HS6ST3: variants seen among roughly 807,000 people sequenced by gnomAD.
HS6ST3 encodes heparan sulfate 6-O-sulfotransferase 3.
A neutral mutation model predicts 36.7 loss-of-function variants in HS6ST3; 12 were observed. The observed-to-expected ratio is 0.33, with a 90% CI of 0.21 to 0.53. HS6ST3 has a LOEUF of 0.53. Among genes scored for constraint, HS6ST3 ranks in the 20% least tolerant of loss-of-function variants. The pLI is 0.95. For synonymous variants in HS6ST3, 240 were observed against 257.5 expected, an observed-to-expected ratio of 0.93 and a Z score of 0.65; for missense variants, 584 against 640.9, an observed-to-expected ratio of 0.91 and a Z score of 0.96.
At chr13:96,790,117 A>C (rs1877747725) in intron 1 of HS6ST3, among the ~76,000 whole-genome samples, 1 of 151,770 alleles carries the variant, frequency 6.6e-6, no homozygotes, top group South Asian at 2.1e-4. Context: ...ATTTTTTCTT[A>C]GATTGCATAC....
At chr13:96,705,298 A>G (rs775818752) in intron 1 of HS6ST3, among the ~76,000 whole-genome samples, 4 of 152,056 alleles carry the variant, frequency 2.6e-5, no homozygotes, top group Admixed American at 2.0e-4. Flanking sequence ...CTCCTCTCCA[A>G]TCTCTTGGGA....
chr13:96,110,604 T>G (rs916965074), intron 1 of HS6ST3, among the ~76,000 whole-genome samples: 7 of 151,928 alleles, frequency 4.6e-5, no homozygotes, highest in African/African-American at 1.7e-4. Flanking sequence ...GCCCGGCTAA[T>G]TTTTTGTATT....
chr13:96,773,864 C>G (rs780439777), intron 1 of HS6ST3, among the ~76,000 whole-genome samples: 5 of 152,138 alleles, frequency 3.3e-5, no homozygotes, highest in Admixed American at 2.0e-4. Flanking sequence ...GGTCCCTGAC[C>G]CCTGTGTCTC....
chr13:96,663,108 C>G (rs1234876039), intron 1 of HS6ST3, among the ~76,000 whole-genome samples: 2 of 152,124 alleles, frequency 1.3e-5, no homozygotes, highest in Admixed American at 6.5e-5. Flanking sequence ...AGTACAGGCA[C>G]CAGCCCTGAC....
chr13:96,233,118 ATGTT>A (rs2054516309), intron 1 of HS6ST3, among the ~76,000 whole-genome samples: 1 of 152,220 alleles, frequency 6.6e-6, no homozygotes, highest in Non-Finnish European at 1.5e-5. Flanking sequence ...TGTAAATAAT[ATGTT>A]TTTCTCTAAT....
intron 1 of HS6ST3, among the ~76,000 whole-genome samples, chr13:96,480,474 A>ATG (rs1335953144): frequency 4.6e-5 from 7 of 151,802 alleles, no homozygotes; most frequent in African/African-American, 9.7e-5. Context: ...GCGTGTGTGC[A>ATG]TGTGTGTGTG....
At chr13:96,419,177 A>G (rs2055549905) in intron 1 of HS6ST3, among the ~76,000 whole-genome samples, 1 of 152,214 alleles carries the variant, frequency 6.6e-6, no homozygotes, top group South Asian at 2.1e-4. Context: ...CAGATGTAAC[A>G]ATTTAGTGTG....
intron 1 of HS6ST3, among the ~76,000 whole-genome samples, chr13:96,636,681 A>T (rs517984): frequency 6.6e-6 from 1 of 152,028 alleles, no homozygotes; most frequent in Non-Finnish European, 1.5e-5. Context: ...CCCTATTGCT[A>T]GAAACTCAGA....
intron 1 of HS6ST3, among the ~76,000 whole-genome samples, chr13:96,097,526 G>A (rs2053797350): frequency 6.6e-6 from 1 of 152,024 alleles, no homozygotes; most frequent in South Asian, 2.1e-4. Context: ...CACTTATCTT[G>A]TTTTTGAGTT....
chr13:96,225,446 T>C (rs1302743257), intron 1 of HS6ST3, among the ~76,000 whole-genome samples: 2 of 152,250 alleles, frequency 1.3e-5, no homozygotes, highest in Admixed American at 6.5e-5. Flanking sequence ...ACATTTTTAC[T>C]GGGCATAATC....
chr13:96,617,557 T>G (rs1157311449), intron 1 of HS6ST3, among the ~76,000 whole-genome samples: 1 of 152,232 alleles, frequency 6.6e-6, no homozygotes, highest in Non-Finnish European at 1.5e-5. Flanking sequence ...TCCAAAGCTT[T>G]CATGAAGGGT....
chr13:96,289,313 C>G (rs1266115925), intron 1 of HS6ST3, among the ~76,000 whole-genome samples: 1 of 151,944 alleles, frequency 6.6e-6, no homozygotes, highest in Non-Finnish European at 1.5e-5. Context: ...AATAAAAAGC[C>G]ATTTTCTTGC....
intron 1 of HS6ST3, among the ~76,000 whole-genome samples, chr13:96,521,212 G>T (rs1164025099): frequency 6.6e-6 from 1 of 152,168 alleles, no homozygotes; most frequent in African/African-American, 2.4e-5. Flanking sequence ...ACTTGATTGT[G>T]GTGGACAAGC....
chr13:96,628,793 T>C (rs1287432493), intron 1 of HS6ST3, among the ~76,000 whole-genome samples: 1 of 152,000 alleles, frequency 6.6e-6, no homozygotes, highest in Non-Finnish European at 1.5e-5. Context: ...TTTTTATCCT[T>C]TTACATCCTT....
intron 1 of HS6ST3, among the ~76,000 whole-genome samples, chr13:96,736,699 C>T (rs1364471990): frequency 6.6e-6 from 1 of 151,892 alleles, no homozygotes; most frequent in Non-Finnish European, 1.5e-5. Flanking sequence ...AATATACTGG[C>T]CATACATAAA....
At chr13:96,250,994 G>A (rs574389149) in intron 1 of HS6ST3, among the ~76,000 whole-genome samples, 185 of 152,236 alleles carry the variant, frequency 1.2e-3, no homozygotes, top group Non-Finnish European at 1.7e-3. Context: ...TGGTTTTCTA[G>A]CATTTTGTTC....
intron 1 of HS6ST3, among the ~76,000 whole-genome samples, chr13:96,811,281 A>G (rs1878311888): frequency 6.6e-6 from 1 of 152,202 alleles, no homozygotes; most frequent in South Asian, 2.1e-4. Flanking sequence ...AGAGAGGACC[A>G]GGAAGAAATG....
intron 1 of HS6ST3, among the ~76,000 whole-genome samples, chr13:96,284,922 T>G (rs555786543): frequency 0.12 from 11,547 of 99,878 alleles, 622 homozygotes; most frequent in African/African-American, 0.2. Flanking sequence ...TTTCTTTCTT[T>G]CTTTCTTTCT....
intron 1 of HS6ST3, among the ~76,000 whole-genome samples, chr13:96,366,755 T>A (rs2055265032): frequency 6.6e-6 from 1 of 152,190 alleles, no homozygotes. Flanking sequence ...GGTTTGGCTG[T>A]GTCCCCACCC....
Sources: allele counts gnomAD v4.1 joint callset (sites outside exome capture counted in the v4.1 genomes callset), GRCh38; gene constraint gnomAD v4.1.1; transcripts MANE v1.5; gene names NCBI Gene and HGNC (gene_info 2026-07-23, HGNC 2026-07-21).